AOAH: variants seen among roughly 807,000 people sequenced by gnomAD.
AOAH encodes the protein acyloxyacyl hydrolase.
Under a neutral mutation model 92.2 loss-of-function variants are expected in AOAH, and 64 were observed. That is an observed-to-expected ratio of 0.69 (90% CI 0.57 to 0.86). The LOEUF (loss-of-function observed/expected upper bound fraction) is 0.86, where lower values mean the gene tolerates loss of function less well. Ranked by LOEUF, AOAH falls within the 40% of genes least tolerant of loss-of-function variation. AOAH has a pLI of 0.00. For missense variants in AOAH, 656 were observed against 694.6 expected (o/e 0.94, Z 0.62); for synonymous variants, 263 against 254.5 (o/e 1.03, Z -0.32).
At chr7:36,678,580 TGTGTGTGTGTGTGTGTGTGTGCGCGC>T (rs1402699365) in intron 2 of AOAH, among the ~76,000 whole-genome samples, 1 of 118,642 alleles carries the variant, frequency 8.4e-6, no homozygotes, top group Non-Finnish European at 1.6e-5. Flanking sequence ...TGTGTGTGTG[TGTGTGTGTGTGTGTGTGTGTGCGCGC>T]GCGCGCGCGT....
chr7:36,620,322 A>G (rs1411312856), intron 9 of AOAH, among the ~76,000 whole-genome samples: 1 of 152,148 alleles, frequency 6.6e-6, no homozygotes, highest in South Asian at 2.1e-4. Flanking sequence ...GGAAACTAGG[A>G]CACCAGCATT....
At chr7:36,660,294 TTGGGA>T (rs1795135683) in intron 3 of AOAH, among the ~76,000 whole-genome samples, 1 of 125,892 alleles carries the variant, frequency 7.9e-6, no homozygotes, top group Admixed American at 8.2e-5. Context: ...CCCCAATTAT[TTGGGA>T]ACAGAGTCTT....
At chr7:36,671,871 C>A (rs925469831) in intron 3 of AOAH, among the ~76,000 whole-genome samples, 2 of 152,060 alleles carry the variant, frequency 1.3e-5, no homozygotes, top group Non-Finnish European at 2.9e-5. Flanking sequence ...TGGAAATGCC[C>A]TCAGAAACCA....
rs74788149 is a variant in AOAH, at chr7:36,538,759, T to C, written c.1306+1560A>G. Among the ~76,000 whole-genome samples the C allele has an allele frequency of 8.0e-3, 1,221 of 152,318 alleles. 15 individuals are homozygous for C. The highest frequency in any genetic ancestry group is 0.028 in the African/African-American group (1,174 of 41,558). ...GCCCAGAATGGAGTGAAGTTCCATG[T>C]GTGATCATGTTATTTCTAAGGCGGC... On this transcript the variant is annotated intron_variant, in intron 16 of 20. Coordinates refer to ENST00000617537, the MANE Select transcript of AOAH (RefSeq NM_001637.4).
At chr7:36,602,269 C>T (rs977899210) in intron 11 of AOAH, among the ~76,000 whole-genome samples, 1 of 152,056 alleles carries the variant, frequency 6.6e-6, no homozygotes, top group East Asian at 1.9e-4. Flanking sequence ...TTTACCTTGT[C>T]AGCTCCTCTT....
At chr7:36,636,063 A>AATGAT (rs1203058109) in intron 5 of AOAH, among the ~76,000 whole-genome samples, 1 of 152,212 alleles carries the variant, frequency 6.6e-6, no homozygotes, top group African/African-American at 2.4e-5. Flanking sequence ...GCTGTGCTGA[A>AATGAT]ATGATATGGA....
chr7:36,621,602 C>G lies in AOAH; in HGVS notation c.653+108G>C, dbSNP rs1282106250. 26 of 1,033,568 alleles carry G rather than the reference C, an allele frequency of 2.5e-5. No homozygotes were observed. The East Asian group carries it at 6.2e-4, about 25-fold the overall frequency. 64.0% of individuals were successfully genotyped at this position (1,033,568 alleles called of 1,614,324 possible). On this transcript the variant is annotated intron_variant, in intron 8 of 20. Transcript: ENST00000617537. ...TTTACTTCAATCGGAACATGAAAAT[C>G]TCTTCTCTCTGTAAGTGGGAATCCC...
At chr7:36,535,386 A>C (rs1784992113) in intron 16 of AOAH, among the ~76,000 whole-genome samples, 1 of 152,176 alleles carries the variant, frequency 6.6e-6, no homozygotes, top group Non-Finnish European at 1.5e-5. Context: ...GAAACTTAGT[A>C]CCAACAAAGA....
At chr7:36,697,665 T>A (rs1355814175) in intron 1 of AOAH, among the ~76,000 whole-genome samples, 1 of 152,232 alleles carries the variant, frequency 6.6e-6, no homozygotes. Flanking sequence ...GGATTTTCTG[T>A]ACCTGGTTGA....
intron 12 of AOAH, among the ~76,000 whole-genome samples, chr7:36,579,241 A>G (rs1788744578): frequency 6.6e-6 from 1 of 151,954 alleles, no homozygotes; most frequent in Non-Finnish European, 1.5e-5. Flanking sequence ...ACATCATGTG[A>G]GTGAAGCCAT....
At chr7:36,544,230 C>A (rs1378188613) in intron 15 of AOAH, among the ~76,000 whole-genome samples, 3 of 152,136 alleles carry the variant, frequency 2.0e-5, no homozygotes, top group Non-Finnish European at 4.4e-5. Flanking sequence ...CAGGCATAAG[C>A]CACTGCGCCC....
In AOAH at chr7:36,686,707, T is replaced by C. The variant is rs1380044444; in HGVS notation, c.215A>G (p.Tyr72Cys). The stretch of plus-strand genomic sequence containing the variant: ...ACTCGTCCCATATTTACCAGGCAGG[T>C]AGCTGCACAGTCTCTCCATCGAGGC... ...VQASMERLCS[Y>C]LPEKLFLKTT... The change falls in exon 2 of 21, where the codon TAC becomes TGC. Residue 72 changes from tyrosine to cysteine, a missense_variant. By Grantham distance (194) the Tyr-to-Cys change is radical. Transcript: ENST00000617537. 2 of 1,537,984 alleles carry C rather than the reference T, an allele frequency of 1.3e-6. No individual in the cohort carries two copies. Among genetic ancestry groups the C allele is most frequent in the Non-Finnish European group, 1.8e-6 (2 of 1,140,970 alleles).
chr7:36,689,719 C>T (rs4077337), intron 1 of AOAH, among the ~76,000 whole-genome samples: 83,283 of 151,650 alleles, frequency 0.55, 23,073 homozygotes, highest in East Asian at 0.64. Flanking sequence ...AAAAAAGACT[C>T]GGTGGCCTGA....
At chr7:36,601,700 G>C (rs144660836) in intron 11 of AOAH, among the ~76,000 whole-genome samples, 1 of 152,342 alleles carries the variant, frequency 6.6e-6, no homozygotes, top group Non-Finnish European at 1.5e-5. Context: ...CCAGAGTACT[G>C]TGTCAGCACA....
At position 36,616,381 on chromosome 7, in the gene AOAH, A is replaced by G; in HGVS notation, c.845T>C (p.Leu282Ser). The change falls in exon 11 of 21, where the codon TTG (leucine) becomes TCG (serine). Residue 282 changes from leucine to serine, a missense_variant and splice_region_variant. By Grantham distance (145) the Leu-to-Ser change is moderately radical. Transcript: ENST00000617537. ...ATGATTACTGCCAAAATTACTTACC[A>G]AAGACATCTGCGACGCTGTGATCCA... The part of the protein sequence containing the change: ...PEWITASQMS[L>S]NSFINLPTAL... 2 of 1,613,200 alleles carry G rather than the reference A, an allele frequency of 1.2e-6. No individual in the cohort carries two copies. Among genetic ancestry groups the G allele is most frequent in the South Asian group, 2.2e-5 (2 of 91,020 alleles).
intron 2 of AOAH, among the ~76,000 whole-genome samples, chr7:36,684,744 C>A (rs1796859131): frequency 6.6e-6 from 1 of 151,152 alleles, no homozygotes; most frequent in Non-Finnish European, 1.5e-5. Flanking sequence ...CACAGAGAGA[C>A]CCTGTCTCAG....
At chr7:36,548,493 T>C in intron 15 of AOAH, 119 bp downstream of exon 15, 1 of 877,076 alleles carries the variant, frequency 1.1e-6, no homozygotes, top group African/African-American at 1.7e-5. Flanking sequence ...GCCGTGCTTC[T>C]AAGATAGAGA....
intron 1 of AOAH, among the ~76,000 whole-genome samples, chr7:36,715,089 T>A (rs1304958573): frequency 3.3e-5 from 5 of 152,134 alleles, no homozygotes; most frequent in South Asian, 2.1e-4. Context: ...CCATCATCTC[T>A]GCCCAAAATC....
At chr7:36,571,292 C>T (rs1379065940) in intron 13 of AOAH, among the ~76,000 whole-genome samples, 1 of 152,180 alleles carries the variant, frequency 6.6e-6, no homozygotes, top group African/African-American at 2.4e-5. Flanking sequence ...TGCTGATGGT[C>T]TATCCCCCAA....
Sources: allele counts gnomAD v4.1 joint callset (sites outside exome capture counted in the v4.1 genomes callset), GRCh38; gene constraint gnomAD v4.1.1; transcripts MANE v1.5; gene names NCBI Gene and HGNC (gene_info 2026-07-23, HGNC 2026-07-21).